Variants in MFGE8 observed in about 807,000 individuals in gnomAD.
MFGE8 encodes the protein milk fat globule EGF and factor V/VIII domain containing, also known as lactadherin.
MFGE8 carries 34 observed loss-of-function variants against 42.6 expected under a neutral mutation model. The ratio of observed to expected loss-of-function variants is 0.80; its 90% confidence interval spans 0.61 to 1.06. The LOEUF is 1.06. MFGE8 is among the 50% of genes least tolerant of loss of function. The probability of loss-of-function intolerance (pLI) is 0.00; values close to 1 mark genes in which losing one functional copy is unlikely to be tolerated. For synonymous variants in MFGE8, 230 were observed against 214.8 expected, an observed-to-expected ratio of 1.07 and a Z score of -0.62; for missense variants, 510 against 516.9, an observed-to-expected ratio of 0.99 and a Z score of 0.13.
chr15:88,907,112 C>A, intron 3 of MFGE8, 83 bp downstream of exon 3: 2 of 1,501,840 alleles, frequency 1.3e-6, no homozygotes, highest in African/African-American at 1.4e-5. Context: ...AGTGATGAAC[C>A]CTCCTGGGGT....
At chr15:88,909,636 G>GTC (rs1207893100) in intron 2 of MFGE8, among the ~76,000 whole-genome samples, 156 bp downstream of exon 2, 12 of 152,198 alleles carry the variant, frequency 7.9e-5, no homozygotes, top group South Asian at 2.1e-4. Context: ...CTGAGGCTCT[G>GTC]TCTCTCTCTC....
intron 6 of MFGE8, 39 bp downstream of exon 6, chr15:88,901,512 A>AACCCCCCCCC: frequency 4.6e-5 from 31 of 666,946 alleles, no homozygotes; most frequent in Non-Finnish European, 7.1e-5. Context: ...ACCTCATCCC[A>AACCCCCCCCC]CCCAACCCCA....
At chr15:88,910,487 C>A in intron 1 of MFGE8, 1 of 181,402 alleles carries the variant, frequency 5.5e-6, no homozygotes. Context: ...ATGCTAGGCC[C>A]CCGAGACAGA....
intron 6 of MFGE8, among the ~76,000 whole-genome samples, chr15:88,901,311 A>ACACATTCACACG (rs146915389): frequency 0.29 from 34,786 of 117,992 alleles, 6,562 homozygotes; most frequent in Non-Finnish European, 0.37. Flanking sequence ...ACACTCACAC[A>ACACATTCACACG]CACACATTCA....
intron 1 of MFGE8, chr15:88,912,769 G>C (rs954902400): frequency 2.0e-6 from 2 of 985,406 alleles, no homozygotes; most frequent in Non-Finnish European, 2.4e-6. Flanking sequence ...ATGTGACCAG[G>C]CACGGACAAT....
intron 1 of MFGE8, among the ~76,000 whole-genome samples, chr15:88,911,927 G>A (rs1898977301): frequency 1.3e-5 from 2 of 152,088 alleles, no homozygotes; most frequent in African/African-American, 2.4e-5. Context: ...GGAGCTATTA[G>A]TCATTGGCTT....
intron 1 of MFGE8, among the ~76,000 whole-genome samples, chr15:88,911,964 C>G (rs1271005016): frequency 6.6e-6 from 1 of 152,144 alleles, no homozygotes; most frequent in Non-Finnish European, 1.5e-5. Context: ...CTTCCTCTGA[C>G]CTGGCAGGCG....
At position 88,906,440 on chromosome 15, in the gene MFGE8, G is replaced by T; in HGVS notation, c.540+186C>A. The T allele has an allele frequency of 1.5e-6, 1 of 677,930 alleles. No individual in the cohort carries two copies. The allele number at this position is 677,930 out of a possible 1,614,324, so 42.0% of individuals were successfully genotyped here. Reference sequence around the variant, plus strand: ...GTCTCATCTCTAAAGTGGGACTATTGCTTATAAACCACAGAACATGGACAC... The same window carrying T: ...GTCTCATCTCTAAAGTGGGACTATTTCTTATAAACCACAGAACATGGACAC... On this transcript the variant is annotated intron_variant, in intron 4 of 7. Coordinates refer to ENST00000268150, the MANE Select transcript of MFGE8 (RefSeq NM_005928.4). The surrounding 1 kb of genome is among the most constrained non-coding windows in gnomAD (Gnocchi z 4.2).
Position 88,899,791 on chromosome 15 carries a change from CT to C in MFGE8, c.890del (p.Lys297ArgfsTer3). On this transcript the variant is annotated frameshift_variant, in exon 7 of 8. Transcript: ENST00000268150. LOFTEE classifies it high-confidence loss of function. The surrounding 1 kb of genome is among the most constrained non-coding windows in gnomAD (Gnocchi z 6.8). ...QWLQVDLGSS[K>X]EVTGIITQGA... ...CCTGGGTGATGATGCCTGTCACCTC[CT>C]TCGAGGAGCCCAGGTCCACCTACAG... The C allele has an allele frequency of 6.2e-7, 1 of 1,614,010 alleles. No individual in the cohort carries two copies. The highest frequency in any genetic ancestry group is 8.5e-7 in the Non-Finnish European group (1 of 1,179,910).
chr15:88,907,742 T>C (rs1481492006), intron 2 of MFGE8, among the ~76,000 whole-genome samples: 2 of 151,092 alleles, frequency 1.3e-5, no homozygotes, highest in African/African-American at 4.9e-5. Context: ...GCCTCGTTCA[T>C]ATAGGGCATC....
intron 2 of MFGE8, among the ~76,000 whole-genome samples, chr15:88,909,124 C>G (rs1898836267): frequency 6.6e-6 from 1 of 152,240 alleles, no homozygotes; most frequent in African/African-American, 2.4e-5. Flanking sequence ...GGGACTCCAG[C>G]TGGGCCTGGA....
Position 88,907,198 on chromosome 15 carries a change from G to T in MFGE8, c.384C>A (p.Ile128=), listed in dbSNP as rs1429243570. 1 of 1,612,954 alleles carries T rather than the reference G, an allele frequency of 6.2e-7. No individual in the cohort carries two copies. Among genetic ancestry groups the T allele is most frequent in the Non-Finnish European group, 8.5e-7 (1 of 1,179,586 alleles). ...TPSSNDDNPW[I]QVNLLRRMWV... is the part of the protein sequence containing the mutation. ...CCAGGGCCATCCCCAGGCATACCTG[G>T]ATCCAGGGGTTATCGTCATTGCTGC... The change falls in exon 3 of 8, where the codon ATC becomes ATA. Residue 128 remains isoleucine, a synonymous_variant. Transcript: ENST00000268150.
Position 88,905,228 on chromosome 15 carries a change from T to C in MFGE8, c.685+529A>G, listed in dbSNP as rs1898613249. On this transcript the variant is annotated intron_variant, in intron 5 of 7. Transcript: ENST00000268150. The surrounding 1 kb of genome is among the most constrained non-coding windows in gnomAD (Gnocchi z 6.6). ...CAGGGAAAGCTCTGGATGGGTGTGG[T>C]CGGGAGCCCAGAGATCTAGACCAAG... Among the ~76,000 whole-genome samples, 1 of 152,116 alleles carries C rather than the reference T, an allele frequency of 6.6e-6. No homozygotes were observed. The highest frequency in any genetic ancestry group is 2.4e-5 in the African/African-American group (1 of 41,404).
At position 88,905,488 on chromosome 15, in the gene MFGE8, AAC is replaced by A; in HGVS notation, c.685+267_685+268del. ...TTCTAGAAGCTACAGGAGAGGAGCC[AAC>A]CAGAAGAAGGGAAAATACTTTGAAA... On this transcript the variant is annotated intron_variant, in intron 5 of 7. Transcript: ENST00000268150. This position sits in a 1 kb window ranked among gnomAD's most constrained non-coding sequence, Gnocchi z 6.6. 1.6e-6 allele frequency: 1 copy of A among 625,280 alleles called. No homozygotes were observed. The highest frequency in any genetic ancestry group is 3.0e-6 in the Non-Finnish European group (1 of 336,148). 38.7% of individuals were successfully genotyped at this position (625,280 alleles called of 1,614,324 possible). A position where few individuals can be genotyped will look rare whatever the true frequency, so the allele number is the denominator to read the frequency against.
intron 6 of MFGE8, among the ~76,000 whole-genome samples, chr15:88,900,243 GAAA>G (rs5814347): frequency 9.3e-6 from 1 of 106,956 alleles, no homozygotes; most frequent in Non-Finnish European, 1.9e-5. Flanking sequence ...CTCTGTCTCA[GAAA>G]AAAAAAAAAA....
rs369704324 is a variant in MFGE8 at position 88,899,698 on chromosome 15, C to T, written c.984G>A (p.Ala328=). The change falls in exon 7 of 8, where the codon GCG becomes GCA. Residue 328 remains alanine (A), a synonymous_variant. Transcript: ENST00000268150. This position sits in a 1 kb window ranked among gnomAD's most constrained non-coding sequence, Gnocchi z 6.8. The part of the protein sequence containing the change: ...SYKVAYSNDS[A]NWTEYQDPRT... ...TGGGGTCCTGGTACTCAGTCCAGTT[C>T]GCACTGTCATTACTGTAGGCAACCT... The T allele has an allele frequency of 2.6e-5, 42 of 1,614,076 alleles. No homozygotes were observed. The highest frequency in any genetic ancestry group is 6.7e-5 in the Admixed American group (4 of 60,004).
intron 2 of MFGE8, among the ~76,000 whole-genome samples, chr15:88,908,702 C>A (rs1333207057): frequency 6.6e-5 from 10 of 152,192 alleles, no homozygotes; most frequent in Non-Finnish European, 1.0e-4. Flanking sequence ...CTGGCCCTAC[C>A]CAGGGCTCTG....
In MFGE8 at chr15:88,899,558, G is replaced by C. The variant is rs902748331; in HGVS notation, c.1027-26C>G. The C allele has an allele frequency of 2.5e-6, 4 of 1,614,002 alleles. No homozygotes were observed. The highest frequency in any genetic ancestry group is 3.3e-5 in the Admixed American group (2 of 60,000). On this transcript the variant is annotated intron_variant, in intron 7 of 7. Transcript: ENST00000268150. This position sits in a 1 kb window ranked among gnomAD's most constrained non-coding sequence, Gnocchi z 6.8. ...CTAGAGGCAGAGCGGGTGTCAGGAG[G>C]ACCCCGAGCCAGCCCCCCTCCCCTC...
Position 88,906,927 on chromosome 15 carries a change from A to C in MFGE8, c.388-149T>G. ...GGTAGCTGAGCACACTGCCCGCACA[A>C]AGGGCTTTCTTCTTCTGCCCAGGCC... On this transcript the variant is annotated intron_variant, in intron 3 of 7. Coordinates refer to ENST00000268150, the MANE Select transcript of MFGE8 (RefSeq NM_005928.4). This position sits in a 1 kb window ranked among gnomAD's most constrained non-coding sequence, Gnocchi z 4.2. 1.9e-6 allele frequency: 2 copies of C among 1,069,844 alleles called. No individual in the cohort carries two copies. The highest frequency in any genetic ancestry group is 2.8e-6 in the Non-Finnish European group (2 of 722,968). The allele number at this position is 1,069,844 out of a possible 1,614,324, so 66.3% of individuals were successfully genotyped here.
Sources: allele counts gnomAD v4.1 joint callset (sites outside exome capture counted in the v4.1 genomes callset), GRCh38; gene constraint gnomAD v4.1.1; non-coding constraint Gnocchi (gnomAD v3.1); transcripts MANE v1.5; gene names NCBI Gene and HGNC (gene_info 2026-07-23, HGNC 2026-07-21).